CASP6: variants seen among roughly 807,000 people sequenced by gnomAD.
The protein encoded by CASP6 is caspase 6.
A neutral mutation model predicts 31.8 loss-of-function variants in CASP6; 20 were observed. That is an observed-to-expected ratio of 0.63 (90% CI 0.44 to 0.91). The LOEUF is 0.91. CASP6 is among the 40% of genes least tolerant of loss of function. The probability of loss-of-function intolerance (pLI) is 0.00; values close to 1 mark genes in which losing one functional copy is unlikely to be tolerated. For missense variants in CASP6, 328 were observed against 361.1 expected, an observed-to-expected ratio of 0.91 and a Z score of 0.74; for synonymous variants, 130 against 127.8, an observed-to-expected ratio of 1.02 and a Z score of -0.12.
intron 3 of CASP6, among the ~76,000 whole-genome samples, chr4:109,697,316 G>A (rs979547741): frequency 3.3e-5 from 5 of 152,006 alleles, no homozygotes; most frequent in Non-Finnish European, 7.4e-5. Flanking sequence ...CTGTTGCCCA[G>A]CCTGGAGTGC....
intron 5 of CASP6, 105 bp downstream of exon 5, chr4:109,694,420 G>T: frequency 1.9e-6 from 2 of 1,064,026 alleles, no homozygotes; most frequent in Non-Finnish European, 2.6e-6. Context: ...AAAACGGCCT[G>T]TCCAATTACT....
At chr4:109,682,495 T>C in the CASP6 span, 1 of 1,064,412 alleles carries the variant, frequency 9.4e-7, no homozygotes, top group South Asian at 1.6e-5. Context: ...AAGATAATAT[T>C]TGGAAAGAGA....
chr4:109,686,453 A>G (rs746906393), downstream of CASP6, among the ~76,000 whole-genome samples: 2 of 152,212 alleles, frequency 1.3e-5, no homozygotes, highest in Non-Finnish European at 2.9e-5. Flanking sequence ...CTTTTTAAAA[A>G]ATGTATTTTA....
chr4:109,709,604 T>G, the CASP6 span, among the ~76,000 whole-genome samples: 1 of 152,162 alleles, frequency 6.6e-6, no homozygotes, highest in Non-Finnish European at 1.5e-5. Flanking sequence ...TGCCAAAAGA[T>G]TTTAAGGAGA....
rs1384384523 is a variant in CASP6, at chr4:109,703,418, C to T, written c.-23G>A. The T allele has an allele frequency of 6.2e-7, 1 of 1,610,514 alleles. No individual in the cohort carries two copies. Among genetic ancestry groups the T allele is most frequent in the Non-Finnish European group, 8.5e-7 (1 of 1,178,682 alleles). On this transcript the variant is annotated 5_prime_UTR_variant, in exon 1 of 7. Transcript: ENST00000265164. The stretch of plus-strand genomic sequence containing the variant: ...CATTGCAGCCAAACGCGCAGCCAGA[C>T]ACCTTGCCCTCCTCTTCCTGAAGCC...
At chr4:109,701,819 G>A (rs541198684) in intron 1 of CASP6, among the ~76,000 whole-genome samples, 1 of 152,208 alleles carries the variant, frequency 6.6e-6, no homozygotes, top group Non-Finnish European at 1.5e-5. Context: ...TGGGCCAGGC[G>A]TGCCAAGGTC....
At chr4:109,673,791 G>A in the CASP6 span, 1 of 640,446 alleles carries the variant, frequency 1.6e-6, no homozygotes, top group Non-Finnish European at 2.8e-6. Context: ...TCAGAAGCCG[G>A]TTGGCGGGTG....
chr4:109,703,631 G>A, upstream of CASP6: 1 of 570,786 alleles, frequency 1.8e-6, no homozygotes, highest in Non-Finnish European at 3.1e-6. Context: ...GCGGGGGCAG[G>A]GAGAGGTACG....
chr4:109,665,392 A>G, the CASP6 span, among the ~76,000 whole-genome samples: 1 of 152,196 alleles, frequency 6.6e-6, no homozygotes, highest in Non-Finnish European at 1.5e-5. Context: ...AGCCTATGGT[A>G]AAATTGGTTT....
chr4:109,706,160 TATATATATATAC>T (rs1340719031), upstream of CASP6, among the ~76,000 whole-genome samples: 222 of 93,620 alleles, frequency 2.4e-3, 8 homozygotes, highest in African/African-American at 0.013. Context: ...TATATATATA[TATATATATATAC>T]ACACACACAT....
the CASP6 span, among the ~76,000 whole-genome samples, chr4:109,667,758 T>C: frequency 1.3e-5 from 2 of 151,464 alleles, no homozygotes; most frequent in Admixed American, 1.3e-4. Flanking sequence ...ATCTTATAGA[T>C]GTTTATTCTT....
At chr4:109,705,437 A>G (rs1344047107), upstream of CASP6, among the ~76,000 whole-genome samples, 1 of 152,336 alleles carries the variant, frequency 6.6e-6, no homozygotes, top group East Asian at 1.9e-4. Context: ...CACAACATCC[A>G]TTCTGAAGCC....
chr4:109,670,468 A>G, the CASP6 span, among the ~76,000 whole-genome samples: 10 of 152,186 alleles, frequency 6.6e-5, no homozygotes, highest in African/African-American at 2.2e-4. Flanking sequence ...CTTTAATCCC[A>G]GCACTTTGAG....
rs1042891 is a variant in CASP6 at position 109,688,930 on chromosome 4, A to G, written c.*400T>C. On this transcript the variant is annotated 3_prime_UTR_variant, in exon 7 of 7. Transcript: ENST00000265164. Reference sequence around the variant, plus strand: ...TAAACTTTAAAACATTTGAATCATTAGACCATAATGCTTCACCCTAACGAT... The same window carrying G: ...TAAACTTTAAAACATTTGAATCATTGGACCATAATGCTTCACCCTAACGAT... 107,298 of 156,256 alleles carry G rather than the reference A, an allele frequency of 0.69. 37,276 individuals are homozygous for G. The highest frequency in any genetic ancestry group is 0.78 in the African/African-American group (32,187 of 41,108). 9.7% of individuals were successfully genotyped at this position (156,256 alleles called of 1,614,324 possible).
intron 5 of CASP6, among the ~76,000 whole-genome samples, chr4:109,694,193 T>C (rs5030575): frequency 6.6e-6 from 1 of 152,228 alleles, no homozygotes; most frequent in Non-Finnish European, 1.5e-5. Flanking sequence ...GCAAACCTAG[T>C]CTGATGAGGT....
Position 109,703,382 on chromosome 4 carries a change from G to A in CASP6, c.14C>T (p.Ser5Leu), listed in dbSNP as rs551693431. The A allele has an allele frequency of 9.9e-6, 16 of 1,611,756 alleles. No individual in the cohort carries two copies. The African/African-American group carries it at 1.2e-4, about 12-fold the overall frequency. MSSA[S>L]GLRRGHPAGG... ...TGCCGGGTGCCCCCTGCGGAGCCCC[G>A]AGGCCGAGCTCATTGCAGCCAAACG... The change falls in exon 1 of 7, where the codon TCG becomes TTG. Residue 5 changes from serine (S) to leucine (L), a missense_variant. Physicochemically the swap from Ser to Leu is moderately radical, Grantham distance 145. Coordinates refer to ENST00000265164, the MANE Select transcript of CASP6 (RefSeq NM_001226.4).
At chr4:109,696,322 G>C (rs1730237466) in intron 4 of CASP6, 88 bp downstream of exon 4, 1 of 925,110 alleles carries the variant, frequency 1.1e-6, no homozygotes, top group African/African-American at 1.7e-5. Flanking sequence ...TGTCACACAA[G>C]TAATTACTTG....
At chr4:109,698,945 C>T (rs577401163) in intron 1 of CASP6, among the ~76,000 whole-genome samples, 7 of 152,318 alleles carry the variant, frequency 4.6e-5, no homozygotes, top group Non-Finnish European at 8.8e-5. Context: ...CACTGAATTC[C>T]TCTCTACTCT....
upstream of CASP6, among the ~76,000 whole-genome samples, chr4:109,706,175 A>G (rs1263021069): frequency 1.7e-5 from 2 of 117,296 alleles, no homozygotes; most frequent in East Asian, 2.5e-4. Context: ...ATATATACAC[A>G]CACACATATA....
Sources: gnomAD v4.1 joint callset for allele counts (sites outside exome capture counted in the v4.1 genomes callset) on GRCh38, gnomAD v4.1.1 for gene constraint, MANE v1.5 for transcripts, NCBI Gene and HGNC (gene_info 2026-07-23, HGNC 2026-07-21) for gene names.